GLUD1: variants seen among roughly 807,000 people sequenced by gnomAD.
GLUD1 encodes glutamate dehydrogenase 1, also known as glutamate dehydrogenase 1, mitochondrial.
In GLUD1, 22 loss-of-function variants were observed where a neutral mutation model predicts 56.0. The ratio of observed to expected loss-of-function variants is 0.39; its 90% confidence interval spans 0.28 to 0.56. The LOEUF (loss-of-function observed/expected upper bound fraction) is 0.56, where lower values mean the gene tolerates loss of function less well. Ranked by LOEUF, GLUD1 falls within the 20% of genes least tolerant of loss-of-function variation. The probability of loss-of-function intolerance (pLI) is 0.58; values close to 1 mark genes in which losing one functional copy is unlikely to be tolerated. For synonymous variants in GLUD1, 223 were observed against 269.9 expected (o/e 0.83, Z 1.70); for missense variants, 451 against 732.0 (o/e 0.62, Z 4.43).
chr10:87,094,843 G>A lies in GLUD1; in HGVS notation c.-74C>T. The A allele has an allele frequency of 1.6e-6, 2 of 1,216,188 alleles. No homozygotes were observed. The highest frequency in any genetic ancestry group is 1.6e-5 in the African/African-American group (1 of 63,776). 75.3% of individuals were successfully genotyped at this position (1,216,188 alleles called of 1,614,324 possible). On this transcript the variant is annotated 5_prime_UTR_variant, in exon 1 of 13. Coordinates refer to ENST00000277865, the MANE Select transcript of GLUD1 (RefSeq NM_005271.5). The surrounding 1 kb of genome is among the most constrained non-coding windows in gnomAD (Gnocchi z 6.6). ...TTCTCAGACTCCCCGCGACTAGGGA[G>A]GAAGGGTCCCGCGCGGGTTGCCCTT... is the stretch of plus-strand genomic sequence containing the variant.
At chr10:87,062,062 G>C (rs904576383) in intron 6 of GLUD1, among the ~76,000 whole-genome samples, 4 of 152,056 alleles carry the variant, frequency 2.6e-5, no homozygotes, top group African/African-American at 9.7e-5. Flanking sequence ...GATTACAGGC[G>C]TGAGCCACCA....
intron 4 of GLUD1, 33 bp from the exon 5 acceptor site, chr10:87,068,190 G>A: frequency 7.5e-7 from 1 of 1,335,356 alleles, no homozygotes. Flanking sequence ...GAGTGCACCA[G>A]TTTTTAAGAA....
At chr10:87,078,809 T>C (rs1288917430) in intron 1 of GLUD1, among the ~76,000 whole-genome samples, 1 of 152,172 alleles carries the variant, frequency 6.6e-6, no homozygotes, top group African/African-American at 2.4e-5. Flanking sequence ...TTCTTCGAGA[T>C]AGATTGCACA....
chr10:87,073,710 C>T (rs939525263), intron 4 of GLUD1, among the ~76,000 whole-genome samples: 3 of 148,710 alleles, frequency 2.0e-5, no homozygotes, highest in Non-Finnish European at 4.4e-5. Context: ...GCTCTGCTTC[C>T]CAGGTTCACA....
intron 1 of GLUD1, among the ~76,000 whole-genome samples, chr10:87,083,753 G>A (rs1841318294): frequency 1.3e-5 from 2 of 152,172 alleles, no homozygotes; most frequent in Non-Finnish European, 2.9e-5. Flanking sequence ...GGGAGGCTGA[G>A]GCAGAAGAAC....
chr10:87,060,678 ATGT>A lies in GLUD1; in HGVS notation c.1197+7_1197+9del. On this transcript the variant is annotated splice_region_variant and intron_variant, in intron 8 of 12. Transcript: ENST00000277865. ...GATAATGTTGGTTCTGGTTTCTATA[ATGT>A]TGTCACCTTGGCTTTGACTCTGGGT... The A allele has an allele frequency of 1.2e-6, 2 of 1,614,072 alleles. No homozygotes were observed. The highest frequency in any genetic ancestry group is 1.7e-6 in the Non-Finnish European group (2 of 1,180,016).
chr10:87,074,918 T>C lies in GLUD1; in HGVS notation c.583-304A>G, dbSNP rs561352868. Among the ~76,000 whole-genome samples the C allele has an allele frequency of 1.2e-4, 19 of 152,312 alleles. No individual in the cohort carries two copies. In the South Asian group the frequency reaches 2.3e-3, roughly 18 times the overall value. On this transcript the variant is annotated intron_variant, in intron 3 of 12. Coordinates refer to ENST00000277865, the MANE Select transcript of GLUD1 (RefSeq NM_005271.5). Reference sequence around the variant, plus strand: ...ATATAATTATATTCCATTTAAATGGTGAATTTTAAAGAGAATAAAAATCAT... The same window carrying C: ...ATATAATTATATTCCATTTAAATGGCGAATTTTAAAGAGAATAAAAATCAT...
At chr10:87,085,565 A>G (rs1478228025) in intron 1 of GLUD1, among the ~76,000 whole-genome samples, 1 of 152,188 alleles carries the variant, frequency 6.6e-6, no homozygotes, top group African/African-American at 2.4e-5. Flanking sequence ...ACATCAAAGA[A>G]AAAACGGAAG....
At position 87,094,196 on chromosome 10, in the gene GLUD1, C is replaced by T. The variant is rs986050382; in HGVS notation, c.445+129G>A. ...CGGCCACATCCGAGGCGGGGTGACC[C>T]GGGCGGGGACCCGGCCCGCTCCAGC... On this transcript the variant is annotated intron_variant, in intron 1 of 12. Coordinates refer to ENST00000277865, the MANE Select transcript of GLUD1 (RefSeq NM_005271.5). This position sits in a 1 kb window ranked among gnomAD's most constrained non-coding sequence, Gnocchi z 6.6. 32 of 1,389,966 alleles carry T rather than the reference C, an allele frequency of 2.3e-5. No homozygotes were observed. The highest frequency in any genetic ancestry group is 3.1e-5 in the Non-Finnish European group (32 of 1,046,970). The allele number at this position is 1,389,966 out of a possible 1,614,324, so 86.1% of individuals were successfully genotyped here.
At chr10:87,061,850 C>A (rs566239748) in intron 6 of GLUD1, among the ~76,000 whole-genome samples, 4 of 152,168 alleles carry the variant, frequency 2.6e-5, no homozygotes, top group South Asian at 2.1e-4. Context: ...GTGGCGCAAT[C>A]TCGGCTCACT....
At chr10:87,074,359 G>GA (rs1846323748) in intron 4 of GLUD1, among the ~76,000 whole-genome samples, 192 bp downstream of exon 4, 2 of 152,034 alleles carry the variant, frequency 1.3e-5, no homozygotes, top group African/African-American at 2.4e-5. Flanking sequence ...AAATCAGCTG[G>GA]GTGTGGTGGC....
intron 1 of GLUD1, among the ~76,000 whole-genome samples, chr10:87,090,143 G>T (rs1323636427): frequency 1.3e-5 from 2 of 152,108 alleles, no homozygotes; most frequent in Non-Finnish European, 2.9e-5. Flanking sequence ...ACATCTACAG[G>T]TTAGTATTTT....
At chr10:87,057,269 G>C (rs1354188691) in intron 11 of GLUD1, among the ~76,000 whole-genome samples, 2 of 152,190 alleles carry the variant, frequency 1.3e-5, no homozygotes, top group Admixed American at 1.3e-4. Context: ...TTACAGGCGT[G>C]TGCCACCATG....
chr10:87,085,492 A>C (rs1219896552), intron 1 of GLUD1, among the ~76,000 whole-genome samples: 1 of 152,188 alleles, frequency 6.6e-6, no homozygotes. Context: ...AATTTTGAAG[A>C]GGTAACTAAG....
intron 4 of GLUD1, among the ~76,000 whole-genome samples, chr10:87,069,825 T>TA (rs1286482416): frequency 6.7e-6 from 1 of 150,254 alleles, no homozygotes; most frequent in Non-Finnish European, 1.5e-5. Context: ...ACCCTTCCCT[T>TA]AGTCACCTTA....
chr10:87,052,015 G>A (rs938011177), intron 12 of GLUD1, 145 bp from the exon 13 acceptor site: 16 of 902,428 alleles, frequency 1.8e-5, no homozygotes, highest in Admixed American at 9.1e-5. Context: ...AACTACTCTA[G>A]CAGCAGAACC....
rs572912081 is a variant in GLUD1 at position 87,051,643 on chromosome 10, A to T, written c.*108T>A. On this transcript the variant is annotated 3_prime_UTR_variant, in exon 13 of 13. Coordinates refer to ENST00000277865, the MANE Select transcript of GLUD1 (RefSeq NM_005271.5). ...TGACTTGTTGAGAATGGTATCCATT[A>T]TTAATGAGTCAGGAGAGAAAGGGAT... The T allele has an allele frequency of 3.3e-6, 4 of 1,223,788 alleles. No homozygotes were observed. The highest frequency in any genetic ancestry group is 4.8e-6 in the Non-Finnish European group (4 of 825,750). 75.8% of individuals were successfully genotyped at this position (1,223,788 alleles called of 1,614,324 possible).
At chr10:87,080,799 A>G (rs1156833249) in intron 1 of GLUD1, among the ~76,000 whole-genome samples, 1 of 150,016 alleles carries the variant, frequency 6.7e-6, no homozygotes, top group African/African-American at 2.5e-5. Context: ...CCCATCTGGG[A>G]AGTGAGGAGC....
In GLUD1 at chr10:87,074,563, T is replaced by C; in HGVS notation, c.634A>G (p.Lys212Glu). 6.3e-7 allele frequency: 1 copy of C among 1,583,384 alleles called. No individual in the cohort carries two copies. The highest frequency in any genetic ancestry group is 1.1e-5 in the South Asian group (1 of 90,384). The change falls in exon 4 of 13, where the codon AAG (lysine) becomes GAG (glutamate). Residue 212 changes from lysine (K) to glutamate (E), a missense_variant. Lys to Glu is a moderately conservative substitution (Grantham distance 56). Coordinates refer to ENST00000277865, the MANE Select transcript of GLUD1 (RefSeq NM_005271.5). ...TGGCTACACATACCAATAAAGCCCTTTTTTGCTAGCTCCATGGTGAACCTC... is the reference window on the plus strand; with the variant it reads ...TGGCTACACATACCAATAAAGCCCTCTTTTGCTAGCTCCATGGTGAACCTC... The part of the protein sequence containing the change: ...TRRFTMELAK[K>E]GFIGPGIDVP...
Sources: allele counts gnomAD v4.1 joint callset (sites outside exome capture counted in the v4.1 genomes callset), GRCh38; gene constraint gnomAD v4.1.1; non-coding constraint Gnocchi (gnomAD v3.1); transcripts MANE v1.5; gene names NCBI Gene and HGNC (gene_info 2026-07-23, HGNC 2026-07-21).